Variants in MAGI2 observed in about 807,000 individuals in gnomAD.
MAGI2 encodes the protein membrane associated guanylate kinase, WW and PDZ domain containing 2.
A neutral mutation model predicts 133.3 loss-of-function variants in MAGI2; 35 were observed. That is an observed-to-expected ratio of 0.26 (90% confidence interval 0.20 to 0.35). The LOEUF is 0.35. Ranked by LOEUF, MAGI2 falls within the 10% of genes least tolerant of loss-of-function variation. The pLI is 1.00. For missense variants in MAGI2, 1,636 were observed against 1,863.4 expected, an observed-to-expected ratio of 0.88 and a Z score of 2.25; for synonymous variants, 729 against 710.6, an observed-to-expected ratio of 1.03 and a Z score of -0.41.
At chr7:78,866,890 A>G (rs1035078475) in intron 2 of MAGI2, among the ~76,000 whole-genome samples, 1 of 152,194 alleles carries the variant, frequency 6.6e-6, no homozygotes, top group African/African-American at 2.4e-5. Context: ...GGACATGAAC[A>G]GACACTTCTC....
intron 1 of MAGI2, among the ~76,000 whole-genome samples, chr7:79,164,438 G>A (rs989658026): frequency 2.6e-5 from 4 of 151,976 alleles, no homozygotes; most frequent in Admixed American, 2.6e-4. Flanking sequence ...TCACTATTCT[G>A]TTAAAGAACT....
At chr7:79,217,040 G>T (rs1395648675) in intron 1 of MAGI2, among the ~76,000 whole-genome samples, 1 of 152,056 alleles carries the variant, frequency 6.6e-6, no homozygotes, top group Non-Finnish European at 1.5e-5. Flanking sequence ...TTTATGATAA[G>T]TTGTTCTTTT....
intron 1 of MAGI2, among the ~76,000 whole-genome samples, chr7:79,399,095 C>CTTTTTTTTTTTTTTTTTTTTT (rs767332496): frequency 1.8e-4 from 19 of 106,290 alleles, no homozygotes; most frequent in African/African-American, 2.8e-4. Flanking sequence ...TTTTTCTTTT[C>CTTTTTTTTTTTTTTTTTTTTT]TTTTTTTTTT....
At chr7:79,216,448 G>T (rs1470492445) in intron 1 of MAGI2, among the ~76,000 whole-genome samples, 2 of 151,938 alleles carry the variant, frequency 1.3e-5, no homozygotes, top group East Asian at 3.9e-4. Flanking sequence ...AAAAGGCAGA[G>T]GGCCCACTGA....
At chr7:78,204,732 A>G (rs553500299) in intron 10 of MAGI2, among the ~76,000 whole-genome samples, 1 of 152,160 alleles carries the variant, frequency 6.6e-6, no homozygotes, top group African/African-American at 2.4e-5. Context: ...TATTTATTTA[A>G]TCTTGCGTCT....
chr7:78,167,414 A>T (rs1027650697), intron 15 of MAGI2, among the ~76,000 whole-genome samples: 1 of 152,198 alleles, frequency 6.6e-6, no homozygotes. Context: ...ATTTGGAACT[A>T]TATGAACTGT....
At chr7:79,267,630 A>G (rs1310669322) in intron 1 of MAGI2, among the ~76,000 whole-genome samples, 1 of 152,194 alleles carries the variant, frequency 6.6e-6, no homozygotes, top group Non-Finnish European at 1.5e-5. Flanking sequence ...AAAATTGGCT[A>G]TATCAGGTGT....
intron 9 of MAGI2, among the ~76,000 whole-genome samples, chr7:78,288,979 T>TA (rs1796429935): frequency 2.0e-5 from 3 of 152,096 alleles, no homozygotes; most frequent in African/African-American, 7.2e-5. Flanking sequence ...CAAAGGTAGA[T>TA]AAAACCACAA....
At chr7:78,569,266 C>T (rs1243913143) in intron 3 of MAGI2, among the ~76,000 whole-genome samples, 1 of 152,104 alleles carries the variant, frequency 6.6e-6, no homozygotes, top group Non-Finnish European at 1.5e-5. Context: ...AAAATACAAG[C>T]TTTATGAGAT....
chr7:78,068,236 G>A (rs912705987), intron 21 of MAGI2, among the ~76,000 whole-genome samples: 6 of 152,130 alleles, frequency 3.9e-5, no homozygotes, highest in Non-Finnish European at 5.9e-5. Context: ...TAGGGTTTGC[G>A]CCCCTATGAG....
intron 1 of MAGI2, among the ~76,000 whole-genome samples, chr7:79,009,353 T>G (rs779787519): frequency 2.6e-5 from 4 of 152,134 alleles, no homozygotes; most frequent in Non-Finnish European, 5.9e-5. Context: ...TGTCGAAACT[T>G]TTAAGAATCA....
intron 13 of MAGI2, among the ~76,000 whole-genome samples, chr7:78,181,396 CT>C (rs777499899): frequency 6.6e-6 from 1 of 152,158 alleles, no homozygotes; most frequent in Non-Finnish European, 1.5e-5. Context: ...CTGTTCCCTT[CT>C]TTATTTTTTC....
At chr7:78,201,732 TG>T (rs563146478) in intron 10 of MAGI2, among the ~76,000 whole-genome samples, 14 of 152,228 alleles carry the variant, frequency 9.2e-5, no homozygotes, top group Non-Finnish European at 1.3e-4. Context: ...TCCACTGAGA[TG>T]GGGCAGATTT....
chr7:79,170,137 C>CTTTTTTTTTTTT lies in MAGI2; in HGVS notation c.302-162943_302-162932dup, dbSNP rs10539344. The stretch of plus-strand genomic sequence containing the variant: ...TCAATGGTTACTTTGAGATATTATA[C>CTTTTTTTTTTTT]TTTTTTTTTTTTTTTTTTTTTTTTT... On this transcript the variant is annotated intron_variant, in intron 1 of 21. Transcript: ENST00000354212. 1.1e-3 allele frequency among the ~76,000 whole-genome samples: 49 copies of CTTTTTTTTTTTT among 42,950 alleles called. 6 individuals are homozygous for CTTTTTTTTTTTT. The highest frequency in any genetic ancestry group is 3.7e-3 in the East Asian group (4 of 1,078). The allele number at this position is 42,950 out of a possible 152,430, so 28.2% of individuals were successfully genotyped here. A position where few individuals can be genotyped will look rare whatever the true frequency, so the allele number is the denominator to read the frequency against.
intron 2 of MAGI2, among the ~76,000 whole-genome samples, chr7:78,664,749 C>T (rs564324517): frequency 3.3e-5 from 5 of 151,642 alleles, no homozygotes; most frequent in African/African-American, 9.7e-5. Flanking sequence ...ATTATTAATA[C>T]GTGCCTAAGT....
chr7:78,213,800 A>G (rs1788003166), intron 10 of MAGI2, among the ~76,000 whole-genome samples: 2 of 152,190 alleles, frequency 1.3e-5, no homozygotes, highest in Admixed American at 1.3e-4. Context: ...TTCTGGTTTG[A>G]GGGCTGCCTG....
chr7:78,802,855 T>C (rs1563523395), intron 2 of MAGI2, among the ~76,000 whole-genome samples: 1 of 151,850 alleles, frequency 6.6e-6, no homozygotes, highest in Non-Finnish European at 1.5e-5. Context: ...ATAGGAGGCA[T>C]ATGAGATATC....
chr7:79,314,460 C>T (rs1838550083), intron 1 of MAGI2, among the ~76,000 whole-genome samples: 1 of 152,148 alleles, frequency 6.6e-6, no homozygotes, highest in Non-Finnish European at 1.5e-5. Context: ...TTCTCTGACC[C>T]ATATAATTCA....
At chr7:79,382,263 G>C (rs1843846766) in intron 1 of MAGI2, among the ~76,000 whole-genome samples, 2 of 151,698 alleles carry the variant, frequency 1.3e-5, no homozygotes, top group East Asian at 1.9e-4. Context: ...TAATCCAGTG[G>C]GAATTCTATT....
Sources: allele counts gnomAD v4.1 joint callset (sites outside exome capture counted in the v4.1 genomes callset), GRCh38; gene constraint gnomAD v4.1.1; transcripts MANE v1.5; gene names NCBI Gene and HGNC (gene_info 2026-07-23, HGNC 2026-07-21).